PPM1A: variants seen among roughly 807,000 people sequenced by gnomAD.
The protein encoded by PPM1A is protein phosphatase, Mg2+/Mn2+ dependent 1A, also known as protein phosphatase 1A.
A neutral mutation model predicts 35.0 loss-of-function variants in PPM1A; 7 were observed. The observed-to-expected ratio is 0.20, with a 90% CI of 0.11 to 0.38. The LOEUF is 0.38. Ranked by LOEUF, PPM1A falls within the 10% of genes least tolerant of loss-of-function variation. The pLI is 1.00. For synonymous variants in PPM1A, 153 were observed against 167.3 expected (o/e 0.91, Z 0.66); for missense variants, 239 against 467.8 (o/e 0.51, Z 4.51).
chr14:60,292,461 A>G lies in PPM1A; in HGVS notation c.1128A>G (p.Thr376=). The change falls in exon 6 of 6, where the codon ACA becomes ACG. Residue 376 remains threonine (T), a synonymous_variant. Coordinates refer to ENST00000395076, the MANE Select transcript of PPM1A (RefSeq NM_021003.5). This position sits in a 1 kb window ranked among gnomAD's most constrained non-coding sequence, Gnocchi z 4.2. The part of the protein sequence containing the change: ...NPYKNDDTDS[T]STDDMW ...TGCTTCCTTTTACAAAGGACTCTAC[A>G]TCAACAGATGATATGTGGTAAAACT... 4 of 1,602,890 alleles carry G rather than the reference A, an allele frequency of 2.5e-6. No individual in the cohort carries two copies. The highest frequency in any genetic ancestry group is 3.4e-6 in the Non-Finnish European group (4 of 1,170,860).
Position 60,297,427 on chromosome 14 carries a change from A to C in PPM1A, c.*4945A>C, listed in dbSNP as rs1331491493. 6.6e-6 allele frequency: 1 copy of C among 151,748 alleles called. No homozygotes were observed. The highest frequency in any genetic ancestry group is 1.5e-5 in the Non-Finnish European group (1 of 67,704). The allele number at this position is 151,748 out of a possible 1,614,324, so 9.4% of individuals were successfully genotyped here. A position where few individuals can be genotyped will look rare whatever the true frequency, so the allele number is the denominator to read the frequency against. On this transcript the variant is annotated 3_prime_UTR_variant, in exon 6 of 6. Transcript: ENST00000395076. Reference sequence around the variant, plus strand: ...ATTTGATTTTTCCAGCAAGGAAATTAATAAGTTACTGATTCTTCAGCATAG... The same window carrying C: ...ATTTGATTTTTCCAGCAAGGAAATTCATAAGTTACTGATTCTTCAGCATAG...
At chr14:60,249,109 TAGCTGCGCGCCGCGCCGC>T, upstream of PPM1A, 1 of 548,162 alleles carries the variant, frequency 1.8e-6, no homozygotes, top group Non-Finnish European at 2.3e-6. The surrounding 1 kb of genome is among the most constrained non-coding windows in gnomAD (Gnocchi z 4.5). Flanking sequence ...CGGGTCTCTG[TAGCTGCGCGCCGCGCCGC>T]AGCTGTAGCG....
In PPM1A at chr14:60,296,207, A is replaced by T. The variant is rs543695409; in HGVS notation, c.*3725A>T. The T allele has an allele frequency of 3.3e-5, 5 of 151,758 alleles. No homozygotes were observed. The highest frequency in any genetic ancestry group is 2.6e-4 in the Admixed American group (4 of 15,204). 9.4% of individuals were successfully genotyped at this position (151,758 alleles called of 1,614,324 possible). The stretch of plus-strand genomic sequence containing the variant: ...ATCAAATTTTAGCCAAATTATTACT[A>T]TGTGTTTTAATATTTTAAAATAATT... On this transcript the variant is annotated 3_prime_UTR_variant, in exon 6 of 6. Transcript: ENST00000395076. This position sits in a 1 kb window ranked among gnomAD's most constrained non-coding sequence, Gnocchi z 4.4.
chr14:60,249,300 T>G lies in PPM1A; in HGVS notation c.-398T>G. On this transcript the variant is annotated 5_prime_UTR_variant, in exon 1 of 6. Coordinates refer to ENST00000395076, the MANE Select transcript of PPM1A (RefSeq NM_021003.5). This position sits in a 1 kb window ranked among gnomAD's most constrained non-coding sequence, Gnocchi z 4.5. ...TAGAGAGCAGTGGTCTCGGCGCTCG[T>G]CCGGCCCGCAGCTTCGGGTCCTCAG... 1 of 962,630 alleles carries G rather than the reference T, an allele frequency of 1.0e-6. No homozygotes were observed. The highest frequency in any genetic ancestry group is 1.2e-6 in the Non-Finnish European group (1 of 824,702). The allele number at this position is 962,630 out of a possible 1,614,324, so 59.6% of individuals were successfully genotyped here. A position where few individuals can be genotyped will look rare whatever the true frequency, so the allele number is the denominator to read the frequency against.
intron 1 of PPM1A, among the ~76,000 whole-genome samples, chr14:60,254,727 C>A (rs1882848262): frequency 6.6e-6 from 1 of 152,140 alleles, no homozygotes; most frequent in South Asian, 2.1e-4. Flanking sequence ...TGGTCTCTTT[C>A]CTGCTAGCAT....
intron 1 of PPM1A, among the ~76,000 whole-genome samples, chr14:60,269,590 C>A (rs1402450519): frequency 1.3e-5 from 2 of 151,996 alleles, no homozygotes; most frequent in African/African-American, 4.8e-5. Flanking sequence ...GCTCTGTCAC[C>A]CAGGCTGGAG....
At chr14:60,259,541 A>T (rs1883510075) in intron 1 of PPM1A, among the ~76,000 whole-genome samples, 1 of 152,064 alleles carries the variant, frequency 6.6e-6, no homozygotes, top group South Asian at 2.1e-4. Flanking sequence ...CAAACTAGGA[A>T]TTTAATCCAC....
At chr14:60,278,339 C>CTTT (rs36059694) in intron 1 of PPM1A, among the ~76,000 whole-genome samples, 2 of 139,030 alleles carry the variant, frequency 1.4e-5, no homozygotes, top group African/African-American at 2.6e-5. Context: ...CTCCCAGTTT[C>CTTT]TTTTTTTTTT....
At chr14:60,250,151 C>T (rs1230338026) in intron 1 of PPM1A, among the ~76,000 whole-genome samples, 1 of 152,050 alleles carries the variant, frequency 6.6e-6, no homozygotes, top group African/African-American at 2.4e-5. Context: ...CGGGCTTAGC[C>T]TCGAAAAACC....
At chr14:60,280,208 A>G (rs1886242518) in intron 1 of PPM1A, among the ~76,000 whole-genome samples, 1 of 151,924 alleles carries the variant, frequency 6.6e-6, no homozygotes, top group Non-Finnish European at 1.5e-5. Flanking sequence ...GTTTCACCAT[A>G]TTGGCCAGGC....
intron 1 of PPM1A, among the ~76,000 whole-genome samples, chr14:60,274,462 G>C (rs563617281): frequency 6.6e-6 from 1 of 152,024 alleles, no homozygotes; most frequent in Admixed American, 6.5e-5. Flanking sequence ...GACACTTGTG[G>C]CTTTAAAAGT....
intron 2 of PPM1A, 75 bp from the exon 3 acceptor site, chr14:60,285,549 C>G: frequency 7.0e-7 from 1 of 1,426,234 alleles, no homozygotes; most frequent in Non-Finnish European, 9.7e-7. Flanking sequence ...CTGTAATTGG[C>G]ACAGCTGTAA....
chr14:60,258,292 C>T (rs1368365954), intron 1 of PPM1A, among the ~76,000 whole-genome samples: 1 of 152,064 alleles, frequency 6.6e-6, no homozygotes, highest in African/African-American at 2.4e-5. Flanking sequence ...ATGGATTTCC[C>T]AGCTCCCAGA....
In PPM1A at chr14:60,292,499, A is replaced by G. The variant is rs765879902; in HGVS notation, c.*17A>G. 1.4e-5 allele frequency: 22 copies of G among 1,588,904 alleles called. No homozygotes were observed. The highest frequency in any genetic ancestry group is 1.8e-5 in the Non-Finnish European group (21 of 1,158,326). On this transcript the variant is annotated 3_prime_UTR_variant, in exon 6 of 6. Coordinates refer to ENST00000395076, the MANE Select transcript of PPM1A (RefSeq NM_021003.5). This position sits in a 1 kb window ranked among gnomAD's most constrained non-coding sequence, Gnocchi z 4.2. ...ATGTGGTAAAACTGCTCATCTAGCC[A>G]TGGAGTTTACCTTCACCTCCAAAGG...
chr14:60,290,044 A>ATT lies in PPM1A; in HGVS notation c.1061+138_1061+139dup. The stretch of plus-strand genomic sequence containing the variant: ...ATCTGTGTTTTAACCTGTGATTTCA[A>ATT]TTTTTTTTTAGTATTAGAATATCTA... On this transcript the variant is annotated intron_variant, in intron 4 of 5. Coordinates refer to ENST00000395076, the MANE Select transcript of PPM1A (RefSeq NM_021003.5). 10 of 576,624 alleles carry ATT rather than the reference A, an allele frequency of 1.7e-5. No individual in the cohort carries two copies. In the East Asian group the frequency reaches 3.2e-4, roughly 19 times the overall value. The allele number at this position is 576,624 out of a possible 1,614,324, so 35.7% of individuals were successfully genotyped here.
intron 5 of PPM1A, 138 bp downstream of exon 5, chr14:60,291,592 T>G (rs1314938606): frequency 1.8e-6 from 1 of 543,918 alleles, no homozygotes; most frequent in East Asian, 3.3e-5. Flanking sequence ...GAACTCTGCT[T>G]GCTCTGATCT....
intron 1 of PPM1A, among the ~76,000 whole-genome samples, chr14:60,265,083 G>A (rs888134484): frequency 6.6e-6 from 1 of 152,154 alleles, no homozygotes; most frequent in Non-Finnish European, 1.5e-5. Context: ...CTTATCCAGT[G>A]TTTTTACATG....
Position 60,282,741 on chromosome 14 carries a change from A to C in PPM1A, c.38A>C (p.His13Pro). ...AFLDKPKMEK[H>P]NAQGQGNGLR... ...TTAGACAAGCCAAAGATGGAAAAGC[A>C]TAATGCCCAGGGGCAGGGTAATGGG... Residue 13 changes from histidine to proline, a missense_variant, in exon 2 of 6, where the codon CAT (histidine) becomes CCT (proline). His to Pro is a moderately conservative substitution (Grantham distance 77). Around this residue, in one of 2 missense-constraint regions of PPM1A, gnomAD observed 175 missense variants for 389.2 expected, o/e 0.45. Transcript: ENST00000395076. The surrounding 1 kb of genome is among the most constrained non-coding windows in gnomAD (Gnocchi z 5.1). The C allele has an allele frequency of 6.2e-7, 1 of 1,614,290 alleles. No homozygotes were observed.
intron 1 of PPM1A, among the ~76,000 whole-genome samples, chr14:60,265,690 G>T (rs1022836335): frequency 5.3e-5 from 8 of 152,160 alleles, no homozygotes; most frequent in African/African-American, 1.9e-4. Context: ...GGTTCTGAGG[G>T]TGGTAAGTCT....
Sources: allele counts gnomAD v4.1 joint callset (sites outside exome capture counted in the v4.1 genomes callset), GRCh38; gene constraint gnomAD v4.1.1; regional missense constraint gnomAD v4.1.1; non-coding constraint Gnocchi (gnomAD v3.1); transcripts MANE v1.5; gene names NCBI Gene and HGNC (gene_info 2026-07-23, HGNC 2026-07-21).